RGS9: variants seen among roughly 807,000 people sequenced by gnomAD.
RGS9 encodes the protein regulator of G protein signaling 9, also known as regulator of G-protein signalling 9.
A neutral mutation model predicts 102.0 loss-of-function variants in RGS9; 78 were observed. The ratio of observed to expected loss-of-function variants is 0.76; its 90% CI spans 0.64 to 0.92. RGS9 has a LOEUF of 0.92. RGS9 is among the 40% of genes least tolerant of loss of function. RGS9 has a pLI of 0.00. For synonymous variants in RGS9, 353 were observed against 318.6 expected, an observed-to-expected ratio of 1.11 and a Z score of -1.15; for missense variants, 833 against 866.1, an observed-to-expected ratio of 0.96 and a Z score of 0.48.
intron 1 of RGS9, among the ~76,000 whole-genome samples, chr17:65,148,150 G>A (rs576709193): frequency 4.6e-5 from 7 of 152,316 alleles, no homozygotes; most frequent in Non-Finnish European, 8.8e-5. Flanking sequence ...GGTACTTCAT[G>A]TAAGTGGAAT....
chr17:65,207,292 T>C (rs760387436), intron 15 of RGS9, among the ~76,000 whole-genome samples: 3 of 152,248 alleles, frequency 2.0e-5, no homozygotes, highest in Non-Finnish European at 4.4e-5. Context: ...TCATGCTGGC[T>C]TCACTGAACC....
chr17:65,163,083 A>T lies in RGS9; in HGVS notation c.494A>T (p.Gln165Leu). The T allele has an allele frequency of 6.3e-7, 1 of 1,584,192 alleles. No homozygotes were observed. The highest frequency in any genetic ancestry group is 8.7e-7 in the Non-Finnish European group (1 of 1,154,464). The change falls in exon 7 of 19, where the codon CAG becomes CTG. Residue 165 changes from glutamine (Q) to leucine (L), a missense_variant. Physicochemically the swap from Gln to Leu is moderately radical, Grantham distance 113. Around this residue, in one of 3 missense-constraint regions of RGS9, gnomAD observed 328 missense variants for 340.6 expected, o/e 0.96. Coordinates refer to ENST00000262406, the MANE Select transcript of RGS9 (RefSeq NM_003835.4). Reference protein sequence around the residue: ...WDFVIMQAKEQYRAGKERNKA... With the variant: ...WDFVIMQAKELYRAGKERNKA... The stretch of plus-strand genomic sequence containing the variant: ...TTTGTCATTATGCAGGCCAAAGAGC[A>T]GTACAGGTGAGTGAAAGGAGACCAT...
At chr17:65,151,793 G>A (rs1910591426) in intron 1 of RGS9, among the ~76,000 whole-genome samples, 1 of 152,218 alleles carries the variant, frequency 6.6e-6, no homozygotes, top group Non-Finnish European at 1.5e-5. Flanking sequence ...TGCAAATGCA[G>A]TTTATTTTCG....
At chr17:65,140,262 G>A (rs1212221788) in intron 1 of RGS9, among the ~76,000 whole-genome samples, 1 of 152,206 alleles carries the variant, frequency 6.6e-6, no homozygotes, top group Non-Finnish European at 1.5e-5. Flanking sequence ...GGAGGCTGTG[G>A]GAAAGCCTGG....
chr17:65,192,049 A>T (rs1195002525), intron 11 of RGS9, among the ~76,000 whole-genome samples: 1 of 152,244 alleles, frequency 6.6e-6, no homozygotes, highest in Non-Finnish European at 1.5e-5. Flanking sequence ...ACTCAACTCA[A>T]GGGAATTAGC....
rs370345963 is a variant in RGS9, at chr17:65,160,557, C to G, written c.334C>G (p.Gln112Glu). 3.5e-5 allele frequency: 56 copies of G among 1,614,204 alleles called. No individual in the cohort carries two copies. In the African/African-American group the frequency reaches 6.7e-4, roughly 19 times the overall value. ...GCAGACACCGTATTTCTGGCCCACCCAGCAGTGGCCAGCTGAAGATACCGA... is the reference window on the plus strand; with the variant it reads ...GCAGACACCGTATTTCTGGCCCACCGAGCAGTGGCCAGCTGAAGATACCGA... ...RFQTPYFWPT[Q>E]QWPAEDTDYA... Residue 112 changes from glutamine to glutamate, a missense_variant, in exon 5 of 19, where the codon CAG (glutamine) becomes GAG (glutamate). Physicochemically the swap from Gln to Glu is conservative, Grantham distance 29 (BLOSUM62 2). Coordinates refer to ENST00000262406, the MANE Select transcript of RGS9 (RefSeq NM_003835.4).
At chr17:65,167,075 G>A (rs945495228) in intron 7 of RGS9, among the ~76,000 whole-genome samples, 4 of 152,140 alleles carry the variant, frequency 2.6e-5, no homozygotes, top group African/African-American at 9.7e-5. Flanking sequence ...GTACAGAAGG[G>A]GGCCCACGGC....
intron 9 of RGS9, among the ~76,000 whole-genome samples, chr17:65,178,659 G>A (rs1032064007): frequency 2.0e-5 from 3 of 152,080 alleles, no homozygotes; most frequent in East Asian, 1.9e-4. Flanking sequence ...ACATGCCACC[G>A]TGCTTGGCTA....
chr17:65,138,802 G>A (rs1910011628), intron 1 of RGS9, among the ~76,000 whole-genome samples: 1 of 152,098 alleles, frequency 6.6e-6, no homozygotes, highest in South Asian at 2.1e-4. Flanking sequence ...GAGGGTAATT[G>A]TCAAGAGATA....
At chr17:65,157,258 G>A (rs190170197) in intron 2 of RGS9, among the ~76,000 whole-genome samples, 12 of 152,208 alleles carry the variant, frequency 7.9e-5, no homozygotes, top group Non-Finnish European at 1.8e-4. Context: ...GTGACCATTG[G>A]CATCTGCACG....
rs1479268031 is a variant in RGS9 at position 65,183,101 on chromosome 17, T to TATCTATCTATCTATCTATCTATCTATCC, written c.654+5307_654+5308insTCTATCTATCTATCTATCCATCTATCTA. On this transcript the variant is annotated intron_variant, in intron 9 of 18. Transcript: ENST00000262406. ...CTATCTATCTATCTATCTATCTATC[T>TATCTATCTATCTATCTATCTATCTATCC]ATCTATCTACCTACCTACCTACATA... 6.2e-3 allele frequency among the ~76,000 whole-genome samples: 929 copies of TATCTATCTATCTATCTATCTATCTATCC among 149,308 alleles called. 10 individuals carry two copies. The highest frequency in any genetic ancestry group is 0.015 in the African/African-American group (579 of 39,586).
At chr17:65,190,014 T>C (rs1428578342) in intron 10 of RGS9, among the ~76,000 whole-genome samples, 161 bp from the exon 11 acceptor site, 2 of 152,178 alleles carry the variant, frequency 1.3e-5, no homozygotes, top group Non-Finnish European at 2.9e-5. Flanking sequence ...TGTGGTCATC[T>C]GTCCACTGTG....
At chr17:65,171,666 C>T (rs557598144) in intron 8 of RGS9, among the ~76,000 whole-genome samples, 51 of 152,340 alleles carry the variant, frequency 3.3e-4, no homozygotes, top group African/African-American at 1.2e-3. Flanking sequence ...TGGCAAAGGC[C>T]AAGACCCCAC....
chr17:65,153,384 G>T, intron 1 of RGS9, 38 bp from the exon 2 acceptor site: 1 of 1,562,344 alleles, frequency 6.4e-7, no homozygotes, highest in South Asian at 1.1e-5. Flanking sequence ...TTTCAAAATT[G>T]TTCTCGTCAG....
chr17:65,185,128 C>T (rs1912060905), intron 9 of RGS9, among the ~76,000 whole-genome samples: 1 of 152,170 alleles, frequency 6.6e-6, no homozygotes, highest in African/African-American at 2.4e-5. Flanking sequence ...CTGTCCCCTC[C>T]CTGTACACAC....
intron 17 of RGS9, among the ~76,000 whole-genome samples, chr17:65,215,969 G>A (rs1913510707): frequency 6.6e-6 from 1 of 152,110 alleles, no homozygotes; most frequent in African/African-American, 2.4e-5. Context: ...GAGGGTATCA[G>A]GACTCATAGC....
chr17:65,193,507 G>A (rs1567881830), intron 11 of RGS9, 36 bp from the exon 12 acceptor site: 4 of 1,363,908 alleles, frequency 2.9e-6, no homozygotes, highest in East Asian at 4.6e-5. Context: ...CTTGGGTGTC[G>A]AGCTTCTAGG....
intron 15 of RGS9, among the ~76,000 whole-genome samples, chr17:65,205,382 A>G (rs1400402989): frequency 6.6e-6 from 1 of 151,992 alleles, no homozygotes; most frequent in Non-Finnish European, 1.5e-5. Flanking sequence ...TATGTGATAT[A>G]GGTTATGGAT....
chr17:65,220,688 G>C (rs1290035522), intron 17 of RGS9, among the ~76,000 whole-genome samples: 9 of 152,240 alleles, frequency 5.9e-5, no homozygotes, highest in Admixed American at 5.9e-4. Flanking sequence ...TGGGAGTTCA[G>C]GTGGCCCCAA....
Sources: gnomAD v4.1 joint callset for allele counts (sites outside exome capture counted in the v4.1 genomes callset) on GRCh38, gnomAD v4.1.1 for gene constraint, gnomAD v4.1.1 regional missense constraint, MANE v1.5 for transcripts, NCBI Gene and HGNC (gene_info 2026-07-23, HGNC 2026-07-21) for gene names.